The following COL4A6 variants were observed in gnomAD, a reference collection of about 807,000 sequenced individuals.
COL4A6 encodes collagen type IV alpha 6 chain.
Under a neutral mutation model 126.7 loss-of-function variants are expected in COL4A6, and 59 were observed. That is an observed-to-expected ratio of 0.47 (90% CI 0.38 to 0.58). The LOEUF is 0.58. COL4A6 is among the 20% of genes least tolerant of loss of function. The pLI, the probability that COL4A6 is intolerant of heterozygous loss-of-function variation, is 0.00. For synonymous variants in COL4A6, 547 were observed against 496.6 expected, an observed-to-expected ratio of 1.10 and a Z score of -1.35; for missense variants, 1,285 against 1,337.3, an observed-to-expected ratio of 0.96 and a Z score of 0.61.
intron 2 of COL4A6, among the ~76,000 whole-genome samples, chrX:108,321,707 G>A (rs1420171450): frequency 9.1e-6 from 1 of 109,307 alleles, no homozygotes; most frequent in African/African-American, 3.3e-5. Flanking sequence ...AGATGCTGAG[G>A]TATATATATA....
At chrX:108,404,310 T>C (rs1425516659) in intron 2 of COL4A6, among the ~76,000 whole-genome samples, 1 of 112,208 alleles carries the variant, frequency 8.9e-6, no homozygotes, top group African/African-American at 3.2e-5. Flanking sequence ...ATTATCCTTA[T>C]ATGTTTGACT....
At chrX:108,350,746 A>T (rs901722472) in intron 2 of COL4A6, among the ~76,000 whole-genome samples, 1 of 105,764 alleles carries the variant, frequency 9.5e-6, no homozygotes, top group South Asian at 4.4e-4. Flanking sequence ...CACACATCCC[A>T]CTCTCCCAAA....
chrX:108,412,331 A>AT (rs1393787921), intron 2 of COL4A6, among the ~76,000 whole-genome samples: 1 of 112,180 alleles, frequency 8.9e-6, no homozygotes, highest in Non-Finnish European at 1.9e-5. Flanking sequence ...TCTCAGAAAT[A>AT]TTAGATACAT....
chrX:108,193,592 T>G, intron 17 of COL4A6, 36 bp downstream of exon 17: 1 of 1,088,634 alleles, frequency 9.2e-7, no homozygotes, highest in Non-Finnish European at 1.3e-6. Context: ...TAACTTCCTG[T>G]CTTTATTTTC....
At chrX:108,386,299 T>C (rs753377522) in intron 2 of COL4A6, among the ~76,000 whole-genome samples, 1 of 112,158 alleles carries the variant, frequency 8.9e-6, no homozygotes, top group East Asian at 2.8e-4. Flanking sequence ...AGCCACACTG[T>C]CTTCCACAAT....
In COL4A6 at chrX:108,394,543, T is replaced by TG. The variant is rs1414247556; in HGVS notation, c.63+43398dup. Among the ~76,000 whole-genome samples the TG allele has an allele frequency of 3.6e-5, 4 of 111,644 alleles. No homozygotes were observed. The East Asian group carries it at 1.1e-3, about 31-fold the overall frequency. On this transcript the variant is annotated intron_variant, in intron 2 of 44. Coordinates refer to ENST00000334504, the MANE Select transcript of COL4A6 (RefSeq NM_033641.4). Reference sequence around the variant, plus strand: ...TGTAAATACTAATCACAAAAAAAGCTGGTGTGGCTATATTCTTATTTTTAG... The same window carrying TG: ...TGTAAATACTAATCACAAAAAAAGCTGGGTGTGGCTATATTCTTATTTTTAG...
intron 3 of COL4A6, among the ~76,000 whole-genome samples, chrX:108,249,792 T>TA (rs1190751980): frequency 2.7e-5 from 3 of 110,847 alleles, no homozygotes; most frequent in African/African-American, 9.9e-5. Context: ...GAGGTAAGAG[T>TA]AAGCACTAGA....
At chrX:108,198,078 C>T (rs979332116) in intron 13 of COL4A6, among the ~76,000 whole-genome samples, 1 of 111,612 alleles carries the variant, frequency 9.0e-6, no homozygotes, top group African/African-American at 3.3e-5. Flanking sequence ...AAATCTGTGG[C>T]AGCCCATGCT....
chrX:108,371,586 A>C (rs1357252121), intron 2 of COL4A6, among the ~76,000 whole-genome samples: 6 of 108,170 alleles, frequency 5.5e-5, no homozygotes, highest in South Asian at 4.0e-4. Context: ...AAAAAAAAAA[A>C]AAAAAAAAAA....
intron 2 of COL4A6, among the ~76,000 whole-genome samples, chrX:108,371,993 A>T (rs1278515905): frequency 9.0e-6 from 1 of 111,452 alleles, no homozygotes; most frequent in East Asian, 2.8e-4. Flanking sequence ...ATGGGAAACA[A>T]GAAAAATGAA....
intron 2 of COL4A6, among the ~76,000 whole-genome samples, chrX:108,408,180 A>T (rs1008087746): frequency 9.0e-6 from 1 of 111,139 alleles, no homozygotes; most frequent in Admixed American, 9.6e-5. Context: ...GTGTGGTGGC[A>T]CATGGCCTAT....
intron 11 of COL4A6, among the ~76,000 whole-genome samples, chrX:108,204,786 C>A (rs376700521): frequency 9.0e-6 from 1 of 111,512 alleles, no homozygotes; most frequent in Non-Finnish European, 1.9e-5. Context: ...CAATCAGAGG[C>A]AATGATGTTC....
intron 20 of COL4A6, 140 bp from the exon 21 acceptor site, chrX:108,188,817 G>A: frequency 1.7e-6 from 1 of 596,031 alleles, no homozygotes; most frequent in Non-Finnish European, 2.4e-6. Flanking sequence ...AAATGAACTT[G>A]GTTCACTCTC....
At chrX:108,169,802 A>C in intron 36 of COL4A6, 143 bp downstream of exon 36, 1 of 821,738 alleles carries the variant, frequency 1.2e-6, no homozygotes, top group Non-Finnish European at 1.7e-6. Flanking sequence ...TCTCCATATC[A>C]AGGGACCTCA....
chrX:108,362,246 G>A (rs1307103045), intron 2 of COL4A6, among the ~76,000 whole-genome samples: 1 of 112,312 alleles, frequency 8.9e-6, no homozygotes, highest in Non-Finnish European at 1.9e-5. Flanking sequence ...CAGGCCAAAA[G>A]GAATACAATC....
chrX:108,401,157 A>G (rs905039443), intron 2 of COL4A6, among the ~76,000 whole-genome samples: 2 of 111,441 alleles, frequency 1.8e-5, no homozygotes, highest in African/African-American at 6.5e-5. Context: ...TTAAGTTCAT[A>G]TATATATTTA....
chrX:108,331,714 A>G (rs1054366450), intron 2 of COL4A6, among the ~76,000 whole-genome samples: 6 of 111,438 alleles, frequency 5.4e-5, no homozygotes, highest in Non-Finnish European at 7.5e-5. Context: ...GTTGCTGTCT[A>G]AAGTCCAAAG....
At chrX:108,194,811 G>A (rs147360739) in intron 15 of COL4A6, among the ~76,000 whole-genome samples, 1,483 of 111,735 alleles carry the variant, frequency 0.013, 19 homozygotes, top group African/African-American at 0.046. Context: ...GGCTAGACAC[G>A]GATACAAGCA....
chrX:108,212,963 G>T (rs917109939), intron 6 of COL4A6, among the ~76,000 whole-genome samples: 4 of 111,718 alleles, frequency 3.6e-5, no homozygotes, highest in Non-Finnish European at 7.5e-5. Context: ...TTCTATACCT[G>T]GTTGCCATGG....
Sources: gnomAD v4.1 joint callset for allele counts (sites outside exome capture counted in the v4.1 genomes callset) on GRCh38, gnomAD v4.1.1 for gene constraint, MANE v1.5 for transcripts, NCBI Gene and HGNC (gene_info 2026-07-23, HGNC 2026-07-21) for gene names.